Variants in PYGO1 observed in about 807,000 individuals in gnomAD.
PYGO1 encodes pygopus homolog 1.
In PYGO1, 6 loss-of-function variants were observed where a neutral mutation model predicts 29.5. The observed-to-expected ratio is 0.20, with a 90% CI of 0.11 to 0.40. The LOEUF (loss-of-function observed/expected upper bound fraction) is 0.40, where lower values mean the gene tolerates loss of function less well. Among genes scored for constraint, PYGO1 ranks in the 10% least tolerant of loss-of-function variants. The pLI is 1.00. For synonymous variants in PYGO1, 186 were observed against 180.5 expected, an observed-to-expected ratio of 1.03 and a Z score of -0.24; for missense variants, 515 against 514.9, an observed-to-expected ratio of 1.00 and a Z score of 0.00.
intron 1 of PYGO1, among the ~76,000 whole-genome samples, chr15:55,564,897 T>C (rs985032029): frequency 6.6e-6 from 1 of 152,204 alleles, no homozygotes; most frequent in Non-Finnish European, 1.5e-5. Context: ...CATTCTTGTC[T>C]GTAGCCAAAT....
rs1161423523 is a variant in PYGO1, at chr15:55,543,196, G to C, written c.*2827C>G. The stretch of plus-strand genomic sequence containing the variant: ...ATCACTGCATATTTTTAAAGTTGAA[G>C]GCAGCTTATCATTTATCCTAAGAAG... On this transcript the variant is annotated 3_prime_UTR_variant, in exon 3 of 3. Transcript: ENST00000563719. The C allele has an allele frequency of 6.6e-6, 1 of 152,022 alleles. No individual in the cohort carries two copies. The highest frequency in any genetic ancestry group is 2.4e-5 in the African/African-American group (1 of 41,398). 9.4% of individuals were successfully genotyped at this position (152,022 alleles called of 1,614,324 possible).
rs973035665 is a variant in PYGO1, at chr15:55,545,088, C to A, written c.*935G>T. The A allele has an allele frequency of 6.6e-6, 1 of 151,202 alleles. No homozygotes were observed. Among genetic ancestry groups the A allele is most frequent in the Non-Finnish European group, 1.5e-5 (1 of 67,582 alleles). 9.4% of individuals were successfully genotyped at this position (151,202 alleles called of 1,614,324 possible). On this transcript the variant is annotated 3_prime_UTR_variant, in exon 3 of 3. Transcript: ENST00000563719. ...GATCCCCAGAACAAGATTTTTCAAACCACCACTGAGTAGTTCTTTTACTAG... is the reference window on the plus strand; with the variant it reads ...GATCCCCAGAACAAGATTTTTCAAAACACCACTGAGTAGTTCTTTTACTAG...
chr15:55,545,866 TA>T lies in PYGO1; in HGVS notation c.*156del. 2.7e-6 allele frequency: 2 copies of T among 738,380 alleles called. No homozygotes were observed. The highest frequency in any genetic ancestry group is 2.5e-5 in the South Asian group (1 of 40,210). The allele number at this position is 738,380 out of a possible 1,614,324, so 45.7% of individuals were successfully genotyped here. ...CATTTAAGACAGCAAGCAAAGACAA[TA>T]AAAAATTTGCTCTAGTGATGAAGTG... On this transcript the variant is annotated 3_prime_UTR_variant, in exon 3 of 3. Coordinates refer to ENST00000563719, the MANE Select transcript of PYGO1 (RefSeq NM_001367806.1).
At chr15:55,559,163 G>A (rs912348299) in intron 1 of PYGO1, among the ~76,000 whole-genome samples, 5 of 152,258 alleles carry the variant, frequency 3.3e-5, no homozygotes, top group East Asian at 1.9e-4. Flanking sequence ...ATCGAAACGC[G>A]GGTGAAGGAT....
rs1253989022 is a variant in PYGO1, at chr15:55,544,505, T to C, written c.*1518A>G. 6.6e-6 allele frequency: 1 copy of C among 152,184 alleles called. No individual in the cohort carries two copies. Among genetic ancestry groups the C allele is most frequent in the African/African-American group, 2.4e-5 (1 of 41,442 alleles). The allele number at this position is 152,184 out of a possible 1,614,324, so 9.4% of individuals were successfully genotyped here. On this transcript the variant is annotated 3_prime_UTR_variant, in exon 3 of 3. Coordinates refer to ENST00000563719, the MANE Select transcript of PYGO1 (RefSeq NM_001367806.1). The stretch of plus-strand genomic sequence containing the variant: ...CTTTAGTAGCTTGTGACATGTGAGG[T>C]CGAGTCCTTGTCTGTGAAAGTGTAG...
chr15:55,583,221 GATTGT>G, intron 1 of PYGO1, among the ~76,000 whole-genome samples: 1 of 152,150 alleles, frequency 6.6e-6, no homozygotes, highest in Non-Finnish European at 1.5e-5. Flanking sequence ...CTACTGGAAT[GATTGT>G]ATAGCACATG....
intron 1 of PYGO1, among the ~76,000 whole-genome samples, chr15:55,584,983 G>C (rs937213761): frequency 1.3e-5 from 2 of 152,170 alleles, no homozygotes; most frequent in Admixed American, 1.3e-4. Context: ...TCCCAACTCT[G>C]TGGATCCCAG....
chr15:55,571,413 T>C (rs1248005103), intron 1 of PYGO1, among the ~76,000 whole-genome samples: 1 of 152,202 alleles, frequency 6.6e-6, no homozygotes, highest in African/African-American at 2.4e-5. Context: ...TCCTATGATA[T>C]GGTATGGCTG....
In PYGO1 at chr15:55,546,095, C is replaced by T; in HGVS notation, c.1188G>A (p.Met396Ile). The T allele has an allele frequency of 6.2e-7, 1 of 1,614,162 alleles. No individual in the cohort carries two copies. Among genetic ancestry groups the T allele is most frequent in the East Asian group, 2.2e-5 (1 of 44,894 alleles). The stretch of plus-strand genomic sequence containing the variant: ...GCATTAACTGGACATCTTTGTCAGC[C>T]ATACAGGTATCACAGCCCCATACTG... ...ASAVWGCDTC[M>I]ADKDVQLMRT... Residue 396 changes from methionine to isoleucine, a missense_variant, in exon 3 of 3, where the codon ATG becomes ATA. Physicochemically the swap from Met to Ile is conservative, Grantham distance 10 (BLOSUM62 1). Transcript: ENST00000563719.
At chr15:55,568,320 C>G (rs375100414) in intron 1 of PYGO1, among the ~76,000 whole-genome samples, 1 of 125,914 alleles carries the variant, frequency 7.9e-6, no homozygotes, top group East Asian at 2.4e-4. Context: ...TTCCTAGGTA[C>G]TGTGTGTGTG....
intron 1 of PYGO1, among the ~76,000 whole-genome samples, chr15:55,572,422 T>A (rs2141669697): frequency 6.6e-6 from 1 of 152,292 alleles, no homozygotes; most frequent in South Asian, 2.1e-4. Flanking sequence ...ACTAAAGATT[T>A]AAATGTAAGA....
chr15:55,586,832 A>G (rs2059048677), intron 1 of PYGO1, among the ~76,000 whole-genome samples: 1 of 152,248 alleles, frequency 6.6e-6, no homozygotes, highest in Non-Finnish European at 1.5e-5. Flanking sequence ...ATCCCCACAC[A>G]TATTTCCTCT....
intron 1 of PYGO1, among the ~76,000 whole-genome samples, chr15:55,553,237 C>A (rs1176239015): frequency 2.0e-5 from 3 of 152,098 alleles, no homozygotes; most frequent in African/African-American, 4.8e-5. Flanking sequence ...TCTGAACTCT[C>A]CCCATGATGG....
intron 1 of PYGO1, among the ~76,000 whole-genome samples, chr15:55,567,568 T>G (rs1036354383): frequency 6.6e-6 from 1 of 152,188 alleles, no homozygotes; most frequent in Non-Finnish European, 1.5e-5. Context: ...GTTGTCTGTT[T>G]ACTCTGTTGT....
At chr15:55,556,899 G>A (rs556900692) in intron 1 of PYGO1, among the ~76,000 whole-genome samples, 1 of 151,576 alleles carries the variant, frequency 6.6e-6, no homozygotes, top group Admixed American at 6.6e-5. Context: ...AAAAAAACTG[G>A]AACAAATAAA....
intron 1 of PYGO1, among the ~76,000 whole-genome samples, chr15:55,587,214 T>C (rs2059050746): frequency 2.6e-5 from 4 of 152,134 alleles, no homozygotes; most frequent in Admixed American, 2.0e-4. Context: ...GAAAGGAAAA[T>C]TCCTAACCAG....
At chr15:55,577,005 A>AT (rs2059005735) in intron 1 of PYGO1, among the ~76,000 whole-genome samples, 2 of 97,680 alleles carry the variant, frequency 2.0e-5, no homozygotes, top group African/African-American at 2.9e-5. Flanking sequence ...AGCAACAAAG[A>AT]TAAAAAAAAA....
Position 55,546,745 on chromosome 15 carries a change from G to T in PYGO1, c.538C>A (p.Pro180Thr). 2 of 1,614,044 alleles carry T rather than the reference G, an allele frequency of 1.2e-6. No homozygotes were observed. Among genetic ancestry groups the T allele is most frequent in the East Asian group, 4.5e-5 (2 of 44,876 alleles). ...GGAATTTGACTGAAATTTTCAGCAG[G>T]ATTTTGTCTAAAATGTTGATTAGGC... Reference protein sequence around the residue: ...NMPNQHFRQNPAENFSQIPPQ... With the variant: ...NMPNQHFRQNTAENFSQIPPQ... The change falls in exon 3 of 3, where the codon CCT becomes ACT. Residue 180 changes from proline (P) to threonine (T), a missense_variant. Coordinates refer to ENST00000563719, the MANE Select transcript of PYGO1 (RefSeq NM_001367806.1).
At chr15:55,573,665 G>A (rs570280223) in intron 1 of PYGO1, among the ~76,000 whole-genome samples, 19 of 152,178 alleles carry the variant, frequency 1.2e-4, no homozygotes, top group African/African-American at 3.9e-4. Flanking sequence ...TGAACAATGC[G>A]GATGTTAGAA....
Sources: allele counts gnomAD v4.1 joint callset (sites outside exome capture counted in the v4.1 genomes callset), GRCh38; gene constraint gnomAD v4.1.1; transcripts MANE v1.5; gene names NCBI Gene and HGNC (gene_info 2026-07-23, HGNC 2026-07-21).